Variants in SPOPL observed in about 807,000 individuals in gnomAD.
The protein encoded by SPOPL is speckle-type POZ protein-like.
In SPOPL, 23 loss-of-function variants were observed where a neutral mutation model predicts 53.8. The observed-to-expected ratio is 0.43, with a 90% CI of 0.31 to 0.61. The LOEUF is 0.61. Among genes scored for constraint, SPOPL ranks in the 20% least tolerant of loss-of-function variants. The pLI is 0.12. For synonymous variants in SPOPL, 164 were observed against 149.7 expected, an observed-to-expected ratio of 1.10 and a Z score of -0.70; for missense variants, 442 against 466.9, an observed-to-expected ratio of 0.95 and a Z score of 0.49.
At chr2:138,566,712 CA>C (rs1558883188) in intron 10 of SPOPL, among the ~76,000 whole-genome samples, 1 of 152,100 alleles carries the variant, frequency 6.6e-6, no homozygotes, top group African/African-American at 2.4e-5. Context: ...TTCTGTGTTT[CA>C]AGTACAATGC....
At chr2:138,507,094 T>G (rs1402787907) in intron 1 of SPOPL, among the ~76,000 whole-genome samples, 1 of 152,226 alleles carries the variant, frequency 6.6e-6, no homozygotes, top group Non-Finnish European at 1.5e-5. Flanking sequence ...GAGCATACGC[T>G]GAATTTAGCA....
At chr2:138,524,554 A>G (rs2104867132) in intron 1 of SPOPL, among the ~76,000 whole-genome samples, 1 of 152,328 alleles carries the variant, frequency 6.6e-6, no homozygotes, top group East Asian at 1.9e-4. Context: ...TCTTTCCCTT[A>G]TAAAACTGAA....
chr2:138,535,967 T>A (rs866794940), intron 1 of SPOPL, among the ~76,000 whole-genome samples: 1 of 152,192 alleles, frequency 6.6e-6, no homozygotes, highest in Non-Finnish European at 1.5e-5. Flanking sequence ...AATTTTTATT[T>A]GGTTCTTTTA....
chr2:138,566,439 A>G (rs567568726), intron 10 of SPOPL, among the ~76,000 whole-genome samples: 4 of 152,214 alleles, frequency 2.6e-5, no homozygotes, highest in Non-Finnish European at 4.4e-5. Flanking sequence ...AGCTGTATTC[A>G]TATTCATCAA....
At position 138,550,825 on chromosome 2, in the gene SPOPL, CTT is replaced by C. The variant is rs1363727552; in HGVS notation, c.201-76_201-75del. 3.6e-6 allele frequency: 5 copies of C among 1,370,998 alleles called. No homozygotes were observed. The African/African-American group carries it at 4.7e-5, about 13-fold the overall frequency. 84.9% of individuals were successfully genotyped at this position (1,370,998 alleles called of 1,614,324 possible). ...CATGATTTCAGTGTTCTCTCTCTCTCTTTCTCTCTCTCTCTCTCTCTCTCGAA... is the reference window on the plus strand; with the variant it reads ...CATGATTTCAGTGTTCTCTCTCTCTCTCTCTCTCTCTCTCTCTCTCTCGAA... On this transcript the variant is annotated intron_variant, in intron 3 of 10. Transcript: ENST00000280098.
Position 138,503,995 on chromosome 2 carries a change from G to A in SPOPL, c.-61+1876G>A, listed in dbSNP as rs535542426. On this transcript the variant is annotated intron_variant, in intron 1 of 10. Transcript: ENST00000280098. ...TTACTCACTTTAAAAAATGCTGACA[G>A]TTTTTGCCGTATTTGCTTACCTCTT... is the stretch of plus-strand genomic sequence containing the variant. Among the ~76,000 whole-genome samples, 4 of 152,184 alleles carry A rather than the reference G, an allele frequency of 2.6e-5. No homozygotes were observed. In the South Asian group the frequency reaches 8.3e-4, roughly 32 times the overall value.
intron 1 of SPOPL, among the ~76,000 whole-genome samples, chr2:138,532,347 G>A (rs1270982597): frequency 6.6e-6 from 1 of 150,782 alleles, no homozygotes; most frequent in African/African-American, 2.4e-5. Flanking sequence ...ATTATGCTTA[G>A]AATCTGCAAA....
intron 2 of SPOPL, 91 bp downstream of exon 2, chr2:138,550,385 T>C: frequency 6.4e-7 from 1 of 1,573,506 alleles, no homozygotes; most frequent in Non-Finnish European, 8.7e-7. Flanking sequence ...GCCATAGTTA[T>C]TAGAAGTGTT....
intron 1 of SPOPL, among the ~76,000 whole-genome samples, chr2:138,545,993 TAAAG>T (rs766838987): frequency 6.6e-6 from 1 of 152,208 alleles, no homozygotes; most frequent in African/African-American, 2.4e-5. Flanking sequence ...TTACTTCTGG[TAAAG>T]AGAGGAAACA....
chr2:138,518,793 GC>G (rs1207621492), intron 1 of SPOPL, among the ~76,000 whole-genome samples: 2 of 152,230 alleles, frequency 1.3e-5, no homozygotes. Context: ...CTGATGGAGA[GC>G]CAAGCAATTA....
chr2:138,515,396 G>A (rs186779354), intron 1 of SPOPL, among the ~76,000 whole-genome samples: 1 of 152,084 alleles, frequency 6.6e-6, no homozygotes, highest in Non-Finnish European at 1.5e-5. Context: ...TGAAAGAAGG[G>A]GAACACTATA....
At chr2:138,516,940 ATTTAGGTAC>A (rs1684450160) in intron 1 of SPOPL, among the ~76,000 whole-genome samples, 2 of 152,198 alleles carry the variant, frequency 1.3e-5, no homozygotes, top group Admixed American at 1.3e-4. Context: ...TGCCTGACCT[ATTTAGGTAC>A]TTTATAAATG....
At chr2:138,505,967 CTGAACTTCAG>C (rs1684208134) in intron 1 of SPOPL, among the ~76,000 whole-genome samples, 1 of 152,116 alleles carries the variant, frequency 6.6e-6, no homozygotes, top group Non-Finnish European at 1.5e-5. Context: ...CCAGTAAGAA[CTGAACTTCAG>C]CACGTGAGGT....
chr2:138,550,213 G>T lies in SPOPL; in HGVS notation c.-4G>T. The stretch of plus-strand genomic sequence containing the variant: ...AAATCCTGAAAGACTACAATAAAGT[G>T]GTGATGTCTCGGGAACCCACCCCAC... On this transcript the variant is annotated 5_prime_UTR_variant, in exon 2 of 11. Coordinates refer to ENST00000280098, the MANE Select transcript of SPOPL (RefSeq NM_001001664.3). The T allele has an allele frequency of 6.2e-7, 1 of 1,613,068 alleles. No homozygotes were observed. The highest frequency in any genetic ancestry group is 1.7e-5 in the Admixed American group (1 of 59,872).
intron 8 of SPOPL, among the ~76,000 whole-genome samples, chr2:138,564,072 G>A (rs1299471581): frequency 6.6e-6 from 1 of 152,178 alleles, no homozygotes; most frequent in Non-Finnish European, 1.5e-5. Flanking sequence ...TATAGTGATA[G>A]AAAGCATATC....
intron 8 of SPOPL, among the ~76,000 whole-genome samples, chr2:138,563,243 C>G (rs576475463): frequency 6.6e-6 from 1 of 152,254 alleles, no homozygotes; most frequent in Non-Finnish European, 1.5e-5. Flanking sequence ...GTTAGGAGGC[C>G]TGGGCTGGAA....
chr2:138,527,305 G>A (rs543343820), intron 1 of SPOPL, among the ~76,000 whole-genome samples: 3 of 151,764 alleles, frequency 2.0e-5, no homozygotes, highest in African/African-American at 4.8e-5. Context: ...ATATATCTCC[G>A]TTGTTCCTAG....
chr2:138,565,099 T>G (rs1392756141), intron 10 of SPOPL, 106 bp downstream of exon 10: 6 of 1,339,136 alleles, frequency 4.5e-6, no homozygotes, highest in Non-Finnish European at 2.1e-6. Flanking sequence ...AAATGTTACA[T>G]GAAGCAAACT....
At chr2:138,525,774 G>T (rs1025785550) in intron 1 of SPOPL, among the ~76,000 whole-genome samples, 1 of 151,600 alleles carries the variant, frequency 6.6e-6, no homozygotes, top group African/African-American at 2.4e-5. Context: ...GGAGGTTGAG[G>T]CTGCAGTGAG....
Sources: gnomAD v4.1 joint callset for allele counts (sites outside exome capture counted in the v4.1 genomes callset) on GRCh38, gnomAD v4.1.1 for gene constraint, MANE v1.5 for transcripts, NCBI Gene and HGNC (gene_info 2026-07-23, HGNC 2026-07-21) for gene names.